WWOX: variants seen among roughly 807,000 people sequenced by gnomAD.
WWOX encodes the protein WW domain-containing oxidoreductase.
A neutral mutation model predicts 46.2 loss-of-function variants in WWOX; 69 were observed. That is an observed-to-expected ratio of 1.49 (90% CI 1.23 to 1.82). The LOEUF is 1.82. WWOX is among the 40% of genes most tolerant of loss of function. WWOX has a pLI of 0.00. For missense variants in WWOX, 919 were observed against 542.6 expected, an observed-to-expected ratio of 1.69 and a Z score of -6.89; for synonymous variants, 359 against 202.6, an observed-to-expected ratio of 1.77 and a Z score of -6.56.
chr16:78,916,854 TAGA>T (rs1019646812), intron 8 of WWOX, among the ~76,000 whole-genome samples: 44 of 152,196 alleles, frequency 2.9e-4, no homozygotes, highest in African/African-American at 9.7e-4. Context: ...CGATAGCAAG[TAGA>T]AGAAATGTTC....
intron 8 of WWOX, among the ~76,000 whole-genome samples, chr16:78,550,227 C>G (rs1198806188): frequency 1.3e-5 from 2 of 152,212 alleles, no homozygotes; most frequent in Admixed American, 6.5e-5. Flanking sequence ...AGTAACAAAG[C>G]AAACCCAATT....
In WWOX at chr16:78,706,473, T is replaced by C. The variant is rs2048330436; in HGVS notation, c.1056+273721T>C. 2.0e-5 allele frequency among the ~76,000 whole-genome samples: 3 copies of C among 152,182 alleles called. 1 individual carries two copies. Among genetic ancestry groups the C allele is most frequent in the South Asian group, 4.1e-4 (2 of 4,820 alleles). The stretch of plus-strand genomic sequence containing the variant: ...AAGAGCTCCATCTCTGTTGCTTTCC[T>C]GGGGCTCTTCCTCTCCTCTTTTTGA... On this transcript the variant is annotated intron_variant, in intron 8 of 8. Coordinates refer to ENST00000566780, the MANE Select transcript of WWOX (RefSeq NM_016373.4).
At chr16:78,876,657 C>G (rs1453549758) in intron 8 of WWOX, among the ~76,000 whole-genome samples, 1 of 152,138 alleles carries the variant, frequency 6.6e-6, no homozygotes, top group African/African-American at 2.4e-5. Flanking sequence ...GGCAGAAGTT[C>G]TGGCTATTAA....
At chr16:79,009,423 A>C (rs959058172) in intron 8 of WWOX, among the ~76,000 whole-genome samples, 1 of 152,050 alleles carries the variant, frequency 6.6e-6, no homozygotes, top group Non-Finnish European at 1.5e-5. Context: ...AGGAGTGGGC[A>C]AAAGGAGACA....
At chr16:79,099,818 A>T (rs1402558284) in intron 8 of WWOX, among the ~76,000 whole-genome samples, 2 of 152,222 alleles carry the variant, frequency 1.3e-5, no homozygotes, top group Non-Finnish European at 2.9e-5. Context: ...TGGATCATTC[A>T]GGGTTAAATC....
intron 7 of WWOX, among the ~76,000 whole-genome samples, chr16:78,425,887 C>G (rs540702250): frequency 6.6e-6 from 1 of 151,910 alleles, no homozygotes; most frequent in Admixed American, 6.6e-5. Flanking sequence ...CCTTCTTCTC[C>G]GTCTTAAGTC....
At chr16:78,597,054 C>A (rs528928641) in intron 8 of WWOX, among the ~76,000 whole-genome samples, 1 of 152,332 alleles carries the variant, frequency 6.6e-6, no homozygotes, top group South Asian at 2.1e-4. Context: ...CTACCCTCTT[C>A]TGCGTAGAAG....
At chr16:78,148,569 A>G (rs1355673708) in intron 4 of WWOX, among the ~76,000 whole-genome samples, 2 of 150,900 alleles carry the variant, frequency 1.3e-5, no homozygotes, top group African/African-American at 4.9e-5. Flanking sequence ...GTGCTGTTTT[A>G]TTTTTCTTCC....
chr16:79,054,652 T>C (rs1371578752), intron 8 of WWOX, among the ~76,000 whole-genome samples: 4 of 152,088 alleles, frequency 2.6e-5, no homozygotes, highest in Admixed American at 6.6e-5. Context: ...TGAGACCTTG[T>C]CTCTATGAAA....
intron 5 of WWOX, among the ~76,000 whole-genome samples, chr16:78,323,621 G>C (rs891810384): frequency 6.6e-6 from 1 of 152,206 alleles, no homozygotes; most frequent in Admixed American, 6.5e-5. Context: ...CTATTTGGTT[G>C]TGAGGCTGTG....
At chr16:78,366,889 C>G (rs2081546633) in intron 5 of WWOX, among the ~76,000 whole-genome samples, 1 of 149,884 alleles carries the variant, frequency 6.7e-6, no homozygotes, top group South Asian at 2.1e-4. Context: ...TTCAAACTTG[C>G]TTAATCCAAA....
chr16:79,064,500 C>A (rs565027678), intron 8 of WWOX, among the ~76,000 whole-genome samples: 4 of 152,144 alleles, frequency 2.6e-5, no homozygotes, highest in Non-Finnish European at 4.4e-5. Flanking sequence ...GGATTTGAGG[C>A]GTGTCTAGGA....
At chr16:78,828,679 G>A (rs2051729004) in intron 8 of WWOX, among the ~76,000 whole-genome samples, 1 of 152,050 alleles carries the variant, frequency 6.6e-6, no homozygotes, top group Non-Finnish European at 1.5e-5. Context: ...TATTAATTAT[G>A]TGTGTGCCAA....
chr16:78,155,005 C>T (rs1053085565), intron 4 of WWOX, among the ~76,000 whole-genome samples: 1 of 152,164 alleles, frequency 6.6e-6, no homozygotes, highest in African/African-American at 2.4e-5. Context: ...AAGCCCAAAC[C>T]CCACCTCTAG....
intron 8 of WWOX, among the ~76,000 whole-genome samples, chr16:78,930,094 C>T (rs545940277): frequency 7.9e-5 from 12 of 152,082 alleles, no homozygotes; most frequent in Non-Finnish European, 1.8e-4. Context: ...CACACTCCTC[C>T]TTCCCTTCCT....
chr16:78,126,326 A>G (rs944687066), intron 4 of WWOX, among the ~76,000 whole-genome samples: 4 of 152,206 alleles, frequency 2.6e-5, no homozygotes, highest in Admixed American at 6.5e-5. Context: ...TTGTTTTGTC[A>G]AACTGCCCTG....
At chr16:78,501,083 C>G (rs979938905) in intron 8 of WWOX, among the ~76,000 whole-genome samples, 1 of 151,980 alleles carries the variant, frequency 6.6e-6, no homozygotes, top group Non-Finnish European at 1.5e-5. Flanking sequence ...GGCAGAGGGT[C>G]AGCTGAATGG....
chr16:78,473,936 C>T (rs141319806), intron 8 of WWOX, among the ~76,000 whole-genome samples: 21 of 152,152 alleles, frequency 1.4e-4, no homozygotes, highest in African/African-American at 5.1e-4. Flanking sequence ...GCCTCCCTTT[C>T]CCTGTTAATT....
At chr16:78,244,081 C>T (rs1032813967) in intron 5 of WWOX, among the ~76,000 whole-genome samples, 1 of 152,228 alleles carries the variant, frequency 6.6e-6, no homozygotes, top group Non-Finnish European at 1.5e-5. Context: ...GGAACACCTC[C>T]TGCTGGGGGT....
Sources: gnomAD v4.1 joint callset for allele counts (sites outside exome capture counted in the v4.1 genomes callset) on GRCh38, gnomAD v4.1.1 for gene constraint, MANE v1.5 for transcripts, NCBI Gene and HGNC (gene_info 2026-07-23, HGNC 2026-07-21) for gene names.